The following CSMD2 variants were observed in gnomAD, a reference collection of about 807,000 sequenced individuals.
The protein encoded by CSMD2 is CUB and sushi domain-containing protein 2.
CSMD2 carries 130 observed loss-of-function variants against 398.5 expected under a neutral mutation model. The observed-to-expected ratio is 0.33, with a 90% CI of 0.28 to 0.38. CSMD2 has a LOEUF of 0.38. CSMD2 is among the 10% of genes least tolerant of loss of function. The pLI is 1.00. For missense variants in CSMD2, 3,829 were observed against 4,764.9 expected, an observed-to-expected ratio of 0.80 and a Z score of 5.78; for synonymous variants, 1,828 against 1,908.5, an observed-to-expected ratio of 0.96 and a Z score of 1.10.
chr1:33,586,430 A>T, intron 46 of CSMD2, 74 bp downstream of exon 46: 2 of 968,622 alleles, frequency 2.1e-6, no homozygotes, highest in Non-Finnish European at 3.3e-6. Flanking sequence ...CTGGGAATAG[A>T]AAGAGGAGCA....
At chr1:33,710,719 C>T (rs1253129422) in intron 21 of CSMD2, among the ~76,000 whole-genome samples, 3 of 150,914 alleles carry the variant, frequency 2.0e-5, no homozygotes, top group Non-Finnish European at 4.4e-5. Flanking sequence ...AAGCCAGGAG[C>T]GTACTAGGCT....
chr1:33,570,097 G>A (rs1458749479), intron 51 of CSMD2, among the ~76,000 whole-genome samples: 1 of 151,938 alleles, frequency 6.6e-6, no homozygotes, highest in East Asian at 1.9e-4. Flanking sequence ...CACATATGTG[G>A]TTACATCCCA....
chr1:33,616,663 T>C (rs1328115960), intron 39 of CSMD2, among the ~76,000 whole-genome samples: 1 of 152,230 alleles, frequency 6.6e-6, no homozygotes, highest in Non-Finnish European at 1.5e-5. Flanking sequence ...GTCATCATCA[T>C]GTTTTCAAAT....
intron 1 of CSMD2, among the ~76,000 whole-genome samples, chr1:34,139,543 A>G (rs959525632): frequency 5.3e-5 from 8 of 152,224 alleles, no homozygotes; most frequent in Non-Finnish European, 1.2e-4. Flanking sequence ...CAATTTTGTT[A>G]TAGGCTTCAG....
At chr1:34,145,679 G>A (rs985405782) in intron 1 of CSMD2, among the ~76,000 whole-genome samples, 1 of 152,158 alleles carries the variant, frequency 6.6e-6, no homozygotes. Context: ...AGAACATCCC[G>A]CGCCATAACA....
At chr1:33,863,503 A>C (rs943780331) in intron 5 of CSMD2, 4 of 152,112 alleles carry the variant, frequency 2.6e-5, no homozygotes, top group African/African-American at 9.7e-5. Flanking sequence ...AAGAGTTCCA[A>C]CTCATAGCCC....
chr1:33,690,023 C>T (rs190322343), intron 25 of CSMD2, among the ~76,000 whole-genome samples: 27 of 152,296 alleles, frequency 1.8e-4, no homozygotes, highest in Admixed American at 1.3e-4. Flanking sequence ...CTGGCCTCCT[C>T]GTCCCCAGCC....
chr1:34,051,875 T>C (rs1235313128), intron 2 of CSMD2, among the ~76,000 whole-genome samples: 6 of 152,180 alleles, frequency 3.9e-5, no homozygotes, highest in African/African-American at 1.4e-4. Context: ...ATTCTGGGTG[T>C]GTCTGTGAGG....
chr1:33,829,897 C>G (rs537255022), intron 6 of CSMD2, among the ~76,000 whole-genome samples: 1 of 152,192 alleles, frequency 6.6e-6, no homozygotes, highest in East Asian at 1.9e-4. Flanking sequence ...CACGGAGTGT[C>G]GCTGATTGCT....
intron 54 of CSMD2, among the ~76,000 whole-genome samples, chr1:33,558,757 CCTCT>C (rs1658274176): frequency 6.6e-6 from 1 of 152,154 alleles, no homozygotes; most frequent in African/African-American, 2.4e-5. Context: ...TCTTTGGCTT[CCTCT>C]CTGTGTGTTT....
intron 47 of CSMD2, among the ~76,000 whole-genome samples, chr1:33,581,529 C>CAAAAAAAAAA (rs59068586): frequency 1.4e-4 from 5 of 36,882 alleles, no homozygotes; most frequent in Admixed American, 4.5e-4. Flanking sequence ...GACTCAGTCT[C>CAAAAAAAAAA]AAAAAAAAAA....
chr1:34,157,631 A>C, intron 1 of CSMD2, among the ~76,000 whole-genome samples: 1 of 144,698 alleles, frequency 6.9e-6, no homozygotes, highest in African/African-American at 2.6e-5. Flanking sequence ...ATCCCAGTCA[A>C]TCCCCTGAAT....
intron 6 of CSMD2, among the ~76,000 whole-genome samples, chr1:33,835,490 T>C: frequency 2.3e-5 from 1 of 42,768 alleles, no homozygotes; most frequent in African/African-American, 1.9e-4. Context: ...CATCACACTC[T>C]GGGGACTGTT....
chr1:33,693,087 T>C (rs748573964), intron 24 of CSMD2, 31 bp from the exon 25 acceptor site: 3 of 1,569,390 alleles, frequency 1.9e-6, no homozygotes, highest in Non-Finnish European at 2.6e-6. Context: ...GTGAGCTTCA[T>C]GGGGTGGCCT....
chr1:33,721,569 G>C (rs1022142738), intron 19 of CSMD2, among the ~76,000 whole-genome samples: 3 of 152,124 alleles, frequency 2.0e-5, no homozygotes, highest in South Asian at 2.1e-4. Flanking sequence ...GACCAGGCTT[G>C]GTGGAAACAG....
chr1:33,785,365 T>C (rs1480784119), intron 12 of CSMD2, among the ~76,000 whole-genome samples: 1 of 152,252 alleles, frequency 6.6e-6, no homozygotes, highest in African/African-American at 2.4e-5. Context: ...ATTGAAATTA[T>C]GTAACCTTGG....
At chr1:33,584,634 T>C (rs1449444113) in intron 46 of CSMD2, among the ~76,000 whole-genome samples, 1 of 150,416 alleles carries the variant, frequency 6.6e-6, no homozygotes, top group Non-Finnish European at 1.5e-5. Context: ...ACCACTGCCC[T>C]CCAGCCTGGC....
At chr1:33,791,523 T>C (rs1392400337) in intron 11 of CSMD2, among the ~76,000 whole-genome samples, 1 of 152,136 alleles carries the variant, frequency 6.6e-6, no homozygotes, top group Admixed American at 6.5e-5. Flanking sequence ...TCTCACTCTG[T>C]CACCCAGGCT....
chr1:33,975,492 C>CACACACACAG (rs1478645246), intron 3 of CSMD2, among the ~76,000 whole-genome samples: 6 of 151,340 alleles, frequency 4.0e-5, no homozygotes, highest in Non-Finnish European at 8.8e-5. Context: ...AGTGTACACA[C>CACACACACAG]ACACACACAC....
Sources: allele counts gnomAD v4.1 joint callset (sites outside exome capture counted in the v4.1 genomes callset), GRCh38; gene constraint gnomAD v4.1.1; transcripts MANE v1.5; gene names NCBI Gene and HGNC (gene_info 2026-07-23, HGNC 2026-07-21).